Variants in NOVA2 observed in about 807,000 individuals in gnomAD.
NOVA2 encodes the protein NOVA alternative splicing regulator 2.
A neutral mutation model predicts 22.5 loss-of-function variants in NOVA2; 9 were observed. The ratio of observed to expected loss-of-function variants is 0.40; its 90% CI spans 0.24 to 0.70. NOVA2 has a LOEUF of 0.70. Among genes scored for constraint, NOVA2 ranks in the 30% least tolerant of loss-of-function variants. The pLI is 0.38. For missense variants in NOVA2, 383 were observed against 682.8 expected (o/e 0.56, Z 4.89); for synonymous variants, 318 against 335.2 (o/e 0.95, Z 0.56).
At chr19:45,973,192 G>A in intron 1 of NOVA2, 75 bp downstream of exon 1, 1 of 734,236 alleles carries the variant, frequency 1.4e-6, no homozygotes, top group Non-Finnish European at 2.0e-6. Context: ...CACCTGCCAC[G>A]GGAGGGGGGG....
At position 45,935,927 on chromosome 19, in the gene NOVA2, C is replaced by A. The variant is rs577556075; in HGVS notation, c.*3936G>T. 8 of 152,336 alleles carry A rather than the reference C, an allele frequency of 5.3e-5. No homozygotes were observed. In the East Asian group the frequency reaches 1.5e-3, roughly 29 times the overall value. The allele number at this position is 152,336 out of a possible 1,614,324, so 9.4% of individuals were successfully genotyped here. Reference sequence around the variant, plus strand: ...CCATCTATAGGTCGGCTTTTATCAACATCCACTTGGGATACCCATAATTCC... The same window carrying A: ...CCATCTATAGGTCGGCTTTTATCAAAATCCACTTGGGATACCCATAATTCC... On this transcript the variant is annotated 3_prime_UTR_variant, in exon 4 of 4. Transcript: ENST00000263257.
At chr19:45,972,379 A>C (rs918993387) in intron 1 of NOVA2, among the ~76,000 whole-genome samples, 3 of 133,912 alleles carry the variant, frequency 2.2e-5, no homozygotes, top group Non-Finnish European at 5.0e-5. Flanking sequence ...TGTCACACAC[A>C]CTGGACCCCT....
rs1157526067 is a variant in NOVA2, at chr19:45,940,427, A to G, written c.915T>C (p.Ala305=). ...SLGLGLNSAA[A]SGVLAAVAAG... is the part of the protein sequence containing the mutation. ...CGGCCACGGCGGCCAGGACGCCGGA[A>G]GCTGCGGCCGAGTTGAGGCCCAGGC... The change falls in exon 4 of 4, where the codon GCT becomes GCC. Residue 305 remains alanine (A), a synonymous_variant. Coordinates refer to ENST00000263257, the MANE Select transcript of NOVA2 (RefSeq NM_002516.4). 1.3e-6 allele frequency: 2 copies of G among 1,494,876 alleles called. No homozygotes were observed. The highest frequency in any genetic ancestry group is 1.2e-5 in the South Asian group (1 of 80,870). The allele number at this position is 1,494,876 out of a possible 1,614,324, so 92.6% of individuals were successfully genotyped here.
intron 2 of NOVA2, among the ~76,000 whole-genome samples, chr19:45,957,562 G>C (rs1420976493): frequency 6.6e-6 from 1 of 151,366 alleles, no homozygotes; most frequent in Non-Finnish European, 1.5e-5. Flanking sequence ...AAAGTAGCTG[G>C]GCCTGGTGGT....
chr19:45,953,228 T>C (rs952682692), intron 3 of NOVA2, among the ~76,000 whole-genome samples: 18 of 152,266 alleles, frequency 1.2e-4, no homozygotes, highest in African/African-American at 4.3e-4. Context: ...TCCCCGTAAC[T>C]GAGGCAACGG....
At chr19:45,958,463 C>A (rs764544781) in intron 2 of NOVA2, among the ~76,000 whole-genome samples, 5 of 147,484 alleles carry the variant, frequency 3.4e-5, no homozygotes, top group Non-Finnish European at 7.5e-5. Flanking sequence ...TGTGTGTAAG[C>A]GTGTGTGTGA....
In NOVA2 at chr19:45,973,764, G is replaced by C. The variant is rs929342459; in HGVS notation, c.-413C>G. ...GATAGGGCCGGGAAAGAACTGAGAGGTGGGGTCTCTCCTGGGACCACAGAG... is the reference window on the plus strand; with the variant it reads ...GATAGGGCCGGGAAAGAACTGAGAGCTGGGGTCTCTCCTGGGACCACAGAG... On this transcript the variant is annotated 5_prime_UTR_variant, in exon 1 of 4. Coordinates refer to ENST00000263257, the MANE Select transcript of NOVA2 (RefSeq NM_002516.4). Among the ~76,000 whole-genome samples the C allele has an allele frequency of 6.6e-6, 1 of 151,388 alleles. No homozygotes were observed. Among genetic ancestry groups the C allele is most frequent in the South Asian group, 2.1e-4 (1 of 4,812 alleles).
intron 3 of NOVA2, among the ~76,000 whole-genome samples, chr19:45,941,311 T>G (rs1434430628): frequency 3.1e-5 from 1 of 32,228 alleles, no homozygotes; most frequent in Non-Finnish European, 1.1e-4. Context: ...AATAAAATAA[T>G]ATATATATAT....
At chr19:45,950,778 C>T (rs544246608) in intron 3 of NOVA2, among the ~76,000 whole-genome samples, 77 of 152,280 alleles carry the variant, frequency 5.1e-4, no homozygotes, top group African/African-American at 7.5e-4. Flanking sequence ...ACTACCACCA[C>T]CAACAATAAC....
chr19:45,960,601 G>A (rs1226151529), intron 2 of NOVA2, among the ~76,000 whole-genome samples: 1 of 151,844 alleles, frequency 6.6e-6, no homozygotes, highest in Non-Finnish European at 1.5e-5. Context: ...GTGAGACTGG[G>A]CAAGAGGGGG....
At position 45,958,650 on chromosome 19, in the gene NOVA2, TGA is replaced by T. The variant is rs941461739; in HGVS notation, c.229+2358_229+2359del. Among the ~76,000 whole-genome samples the T allele has an allele frequency of 7.5e-4, 114 of 152,026 alleles. 1 individual carries two copies. Among genetic ancestry groups the T allele is most frequent in the African/African-American group, 2.6e-3 (107 of 41,462 alleles). On this transcript the variant is annotated intron_variant, in intron 2 of 3. Transcript: ENST00000263257. Reference sequence around the variant, plus strand: ...GAGTGTGAGCGTGTGAGACTGTGTGTGAGTGTGCATGTGAGAGTGTGAGTGTG... The same window carrying T: ...GAGTGTGAGCGTGTGAGACTGTGTGTGTGTGCATGTGAGAGTGTGAGTGTG...
In NOVA2 at chr19:45,940,763, C is replaced by T. The variant is rs185905901; in HGVS notation, c.579G>A (p.Val193=). 9 of 1,609,236 alleles carry T rather than the reference C, an allele frequency of 5.6e-6. No homozygotes were observed. Among genetic ancestry groups the T allele is most frequent in the Middle Eastern group, 3.3e-4 (2 of 6,060 alleles). Residue 193 remains valine, a synonymous_variant, in exon 4 of 4, where the codon GTG becomes GTA. Coordinates refer to ENST00000263257, the MANE Select transcript of NOVA2 (RefSeq NM_002516.4). ...CTTGTACCTTCTGCACGATGGCGCTCACGGCCTTGTGCACCTGCTCGGGCT... is the reference window on the plus strand; with the variant it reads ...CTTGTACCTTCTGCACGATGGCGCTTACGGCCTTGTGCACCTGCTCGGGCT... The part of the protein sequence containing the change: ...SGEPEQVHKA[V]SAIVQKVQED...
At chr19:45,950,050 A>G (rs928095520) in intron 3 of NOVA2, among the ~76,000 whole-genome samples, 1 of 150,920 alleles carries the variant, frequency 6.6e-6, no homozygotes, top group Non-Finnish European at 1.5e-5. Flanking sequence ...CTCCTAGTTT[A>G]TTCTTTAGTA....
chr19:45,947,297 T>C (rs1018293241), intron 3 of NOVA2, among the ~76,000 whole-genome samples: 1 of 151,836 alleles, frequency 6.6e-6, no homozygotes, highest in Non-Finnish European at 1.5e-5. Context: ...GACTGAAGGA[T>C]GACACGCCCA....
chr19:45,945,122 T>C (rs1213323998), intron 3 of NOVA2, among the ~76,000 whole-genome samples: 4 of 152,002 alleles, frequency 2.6e-5, no homozygotes, highest in Non-Finnish European at 1.5e-5. Flanking sequence ...CTGGGCAAGA[T>C]GGTGAAACCT....
chr19:45,942,628 G>A (rs1159940872), intron 3 of NOVA2, among the ~76,000 whole-genome samples: 1 of 152,062 alleles, frequency 6.6e-6, no homozygotes, highest in Non-Finnish European at 1.5e-5. Context: ...GGGAACCCAA[G>A]AATCTAGATT....
In NOVA2 at chr19:45,937,246, A is replaced by G. The variant is rs897957538; in HGVS notation, c.*2617T>C. ...CAGCCTCCGGAGATGTGTCTGTGTGAGAGGAGTCCTGGACCCGGCTGATTG... is the reference window on the plus strand; with the variant it reads ...CAGCCTCCGGAGATGTGTCTGTGTGGGAGGAGTCCTGGACCCGGCTGATTG... On this transcript the variant is annotated 3_prime_UTR_variant, in exon 4 of 4. Transcript: ENST00000263257. 1.3e-5 allele frequency: 2 copies of G among 152,218 alleles called. No individual in the cohort carries two copies. Among genetic ancestry groups the G allele is most frequent in the Admixed American group, 1.3e-4 (2 of 15,286 alleles). 9.4% of individuals were successfully genotyped at this position (152,218 alleles called of 1,614,324 possible). A position where few individuals can be genotyped will look rare whatever the true frequency, so the allele number is the denominator to read the frequency against.
chr19:45,973,041 T>TC (rs1035571266), intron 1 of NOVA2, among the ~76,000 whole-genome samples: 24 of 35,556 alleles, frequency 6.7e-4, no homozygotes, highest in African/African-American at 2.7e-3. Flanking sequence ...TATCACCCCC[T>TC]CCCCCCCACC....
rs2146401875 is a variant in NOVA2, at chr19:45,935,513, T to C, written c.*4350A>G. 6.6e-6 allele frequency: 1 copy of C among 152,298 alleles called. No individual in the cohort carries two copies. Among genetic ancestry groups the C allele is most frequent in the East Asian group, 1.9e-4 (1 of 5,172 alleles). 9.4% of individuals were successfully genotyped at this position (152,298 alleles called of 1,614,324 possible). On this transcript the variant is annotated 3_prime_UTR_variant, in exon 4 of 4. Coordinates refer to ENST00000263257, the MANE Select transcript of NOVA2 (RefSeq NM_002516.4). Reference sequence around the variant, plus strand: ...CCGTTCTCCCCATCGTGACATCCAGTCCAGGCTTTCAGGACAGCGAGCCCG... The same window carrying C: ...CCGTTCTCCCCATCGTGACATCCAGCCCAGGCTTTCAGGACAGCGAGCCCG...
Sources: allele counts gnomAD v4.1 joint callset (sites outside exome capture counted in the v4.1 genomes callset), GRCh38; gene constraint gnomAD v4.1.1; transcripts MANE v1.5; gene names NCBI Gene and HGNC (gene_info 2026-07-23, HGNC 2026-07-21).